Variants in DLGAP2 observed in about 807,000 individuals in gnomAD.
DLGAP2 encodes DLG associated protein 2, also known as disks large-associated protein 2.
In DLGAP2, 26 loss-of-function variants were observed where a neutral mutation model predicts 100.3. The observed-to-expected ratio is 0.26, with a 90% CI of 0.19 to 0.36. The LOEUF is 0.36. DLGAP2 is among the 10% of genes least tolerant of loss of function. The probability of loss-of-function intolerance (pLI) is 1.00; values close to 1 mark genes in which losing one functional copy is unlikely to be tolerated. For missense variants in DLGAP2, 1,858 were observed against 1,453.2 expected (o/e 1.28, Z -4.53); for synonymous variants, 886 against 630.1 (o/e 1.41, Z -6.08).
chr8:1,031,463 G>A (rs767044453), intron 2 of DLGAP2, among the ~76,000 whole-genome samples: 38 of 151,846 alleles, frequency 2.5e-4, no homozygotes, highest in Middle Eastern at 3.4e-3. Context: ...CCAAGCTGTG[G>A]TGCAGTGGTA....
At chr8:1,434,326 G>C (rs1797554269) in intron 3 of DLGAP2, among the ~76,000 whole-genome samples, 1 of 152,162 alleles carries the variant, frequency 6.6e-6, no homozygotes, top group Non-Finnish European at 1.5e-5. Context: ...GGAGACACCA[G>C]GTGGAAGAGC....
intron 4 of DLGAP2, among the ~76,000 whole-genome samples, chr8:1,520,078 T>C (rs1450199206): frequency 6.6e-6 from 1 of 152,196 alleles, no homozygotes; most frequent in Non-Finnish European, 1.5e-5. Flanking sequence ...TCTCTGCCCC[T>C]GGAGTGCTGG....
Position 848,923 on chromosome 8 carries a change from C to T in DLGAP2, c.19-58989C>T, listed in dbSNP as rs566361943. Among the ~76,000 whole-genome samples, 198 of 148,138 alleles carry T rather than the reference C, an allele frequency of 1.3e-3. 1 individual carries two copies. The highest frequency in any genetic ancestry group is 4.1e-3 in the African/African-American group (163 of 39,564). On this transcript the variant is annotated intron_variant, in intron 1 of 14. Transcript: ENST00000637795. ...GTGCCTGTTCCAGCATAGGAACGCG[C>T]GGTGCCTGTTCCAGCATAGGAACGC...
intron 1 of DLGAP2, among the ~76,000 whole-genome samples, chr8:896,395 CG>C (rs1429272727): frequency 1.8e-5 from 2 of 113,516 alleles, no homozygotes; most frequent in Admixed American, 2.1e-4. Context: ...CCTGAGCTGC[CG>C]GGATGGTGTG....
At chr8:1,382,454 G>C (rs7822446) in intron 3 of DLGAP2, among the ~76,000 whole-genome samples, 2 of 152,166 alleles carry the variant, frequency 1.3e-5, no homozygotes, top group Non-Finnish European at 2.9e-5. Flanking sequence ...ATGTATCATC[G>C]GTCAGGCGCA....
At chr8:1,148,374 A>C (rs1452982761) in intron 2 of DLGAP2, among the ~76,000 whole-genome samples, 1 of 152,088 alleles carries the variant, frequency 6.6e-6, no homozygotes, top group Admixed American at 6.5e-5. Context: ...ATAGGAATTT[A>C]TCAATATTAC....
At chr8:1,097,202 G>A (rs1804405830) in intron 2 of DLGAP2, among the ~76,000 whole-genome samples, 2 of 129,174 alleles carry the variant, frequency 1.5e-5, no homozygotes, top group South Asian at 2.5e-4. Flanking sequence ...GTCGAGCTGG[G>A]AGCCTAGGGC....
chr8:1,661,344 C>T (rs1227595327), intron 8 of DLGAP2, among the ~76,000 whole-genome samples: 1 of 152,148 alleles, frequency 6.6e-6, no homozygotes, highest in African/African-American at 2.4e-5. Flanking sequence ...AGTAGGAGCA[C>T]TGAGAAGAGG....
chr8:1,549,587 G>A lies in DLGAP2; in HGVS notation c.1134G>A (p.Gln378=). 6.2e-7 allele frequency: 1 copy of A among 1,610,918 alleles called. No homozygotes were observed. The highest frequency in any genetic ancestry group is 8.5e-7 in the Non-Finnish European group (1 of 1,179,254). Residue 378 remains glutamine, a synonymous_variant, in exon 5 of 15, where the codon CAG becomes CAA. Transcript: ENST00000637795. The part of the protein sequence containing the change: ...RSSWSTLTVS[Q]AKEAYRKSSL... ...CCTGGTCTACGCTGACGGTCAGCCA[G>A]GCCAAGGAGGCCTACCGCAAGAGCT...
intron 3 of DLGAP2, among the ~76,000 whole-genome samples, chr8:1,470,142 A>T (rs1221289840): frequency 1.3e-5 from 2 of 152,164 alleles, no homozygotes; most frequent in Non-Finnish European, 2.9e-5. Flanking sequence ...AGCCTGGGTG[A>T]CAGGGCCAGA....
intron 2 of DLGAP2, among the ~76,000 whole-genome samples, chr8:931,151 A>G (rs912647731): frequency 8.5e-5 from 13 of 152,170 alleles, no homozygotes; most frequent in African/African-American, 1.2e-4. Flanking sequence ...GCTGAAGTCC[A>G]GGCACTGAGG....
chr8:1,227,015 C>G (rs1052372497), intron 2 of DLGAP2, among the ~76,000 whole-genome samples: 1 of 150,740 alleles, frequency 6.6e-6, no homozygotes, highest in Non-Finnish European at 1.5e-5. Flanking sequence ...TGATTGTACC[C>G]AAAGGGAACA....
At chr8:959,264 G>A (rs1799666571) in intron 2 of DLGAP2, among the ~76,000 whole-genome samples, 1 of 152,210 alleles carries the variant, frequency 6.6e-6, no homozygotes, top group Non-Finnish European at 1.5e-5. Flanking sequence ...AGCTGGTGTT[G>A]TGGCTCTAAT....
chr8:1,630,798 T>TG (rs1302818846), intron 7 of DLGAP2, among the ~76,000 whole-genome samples: 1 of 151,884 alleles, frequency 6.6e-6, no homozygotes, highest in Non-Finnish European at 1.5e-5. Context: ...TTGTGAGAGG[T>TG]GCTTATGTCC....
At chr8:1,234,141 C>G (rs1173145705) in intron 2 of DLGAP2, among the ~76,000 whole-genome samples, 1 of 152,224 alleles carries the variant, frequency 6.6e-6, no homozygotes, top group Non-Finnish European at 1.5e-5. Flanking sequence ...GTTTCAAAGG[C>G]TTCTCCTGTC....
At chr8:1,099,219 G>C (rs969489410) in intron 2 of DLGAP2, among the ~76,000 whole-genome samples, 2 of 152,166 alleles carry the variant, frequency 1.3e-5, no homozygotes, top group Non-Finnish European at 2.9e-5. Flanking sequence ...CGAATGCGTA[G>C]TAACTGCGAT....
At chr8:1,587,372 A>G (rs1796153469) in intron 6 of DLGAP2, among the ~76,000 whole-genome samples, 1 of 152,144 alleles carries the variant, frequency 6.6e-6, no homozygotes. Context: ...CCAGAGAGGA[A>G]CTGGCTCTTG....
At chr8:792,044 A>T (rs1204603670) in intron 1 of DLGAP2, among the ~76,000 whole-genome samples, 2 of 152,220 alleles carry the variant, frequency 1.3e-5, no homozygotes, top group Non-Finnish European at 2.9e-5. Context: ...ATGTTGATAG[A>T]CACTGCATTT....
rs567333032 is a variant in DLGAP2 at position 1,186,594 on chromosome 8, G to C, written c.74-72257G>C. Among the ~76,000 whole-genome samples, 4 of 152,130 alleles carry C rather than the reference G, an allele frequency of 2.6e-5. No homozygotes were observed. In the East Asian group the frequency reaches 7.7e-4, roughly 29 times the overall value. ...GCCATTCCCTTTTTGTCATGGAGGT[G>C]GGGGGTGCGGTGTCTTCTGAGCTGA... On this transcript the variant is annotated intron_variant, in intron 2 of 14. Coordinates refer to ENST00000637795, the MANE Select transcript of DLGAP2 (RefSeq NM_001346810.2).
Sources: allele counts gnomAD v4.1 joint callset (sites outside exome capture counted in the v4.1 genomes callset), GRCh38; gene constraint gnomAD v4.1.1; transcripts MANE v1.5; gene names NCBI Gene and HGNC (gene_info 2026-07-23, HGNC 2026-07-21).